The following PRKG1 variants were observed in gnomAD, a reference collection of about 807,000 sequenced individuals.
PRKG1 encodes protein kinase cGMP-dependent 1.
PRKG1 carries 35 observed loss-of-function variants against 88.1 expected under a neutral mutation model. The observed-to-expected ratio is 0.40, with a 90% CI of 0.30 to 0.53. The LOEUF (loss-of-function observed/expected upper bound fraction) is 0.53. Among genes scored for constraint, PRKG1 ranks in the 20% least tolerant of loss-of-function variants. The pLI, the probability that PRKG1 is intolerant of heterozygous loss-of-function variation, is 0.59. For missense variants in PRKG1, 540 were observed against 839.8 expected (o/e 0.64, Z 4.41); for synonymous variants, 303 against 292.5 (o/e 1.04, Z -0.37).
intron 17 of PRKG1, among the ~76,000 whole-genome samples, chr10:52,293,428 A>C (rs1435052151): frequency 6.6e-6 from 1 of 152,062 alleles, no homozygotes; most frequent in Non-Finnish European, 1.5e-5. Flanking sequence ...GTTCATATGG[A>C]ACCAAAAAAG....
At chr10:51,346,181 A>G (rs1842109482) in intron 2 of PRKG1, among the ~76,000 whole-genome samples, 1 of 152,306 alleles carries the variant, frequency 6.6e-6, no homozygotes, top group South Asian at 2.1e-4. Flanking sequence ...GTTGATGATC[A>G]TTGTGGAATA....
At chr10:51,082,635 AC>A in intron 1 of PRKG1, among the ~76,000 whole-genome samples, 1 of 152,084 alleles carries the variant, frequency 6.6e-6, no homozygotes, top group Non-Finnish European at 1.5e-5. Context: ...TAAACAAAAG[AC>A]CAGGATAAAG....
chr10:51,472,208 G>C (rs1356347257), intron 3 of PRKG1, among the ~76,000 whole-genome samples: 1 of 151,860 alleles, frequency 6.6e-6, no homozygotes, highest in Non-Finnish European at 1.5e-5. Flanking sequence ...TAAGAGCAAA[G>C]TTTAAAGGTC....
chr10:52,251,565 T>A lies in PRKG1; in HGVS notation c.1077-5T>A. ...ATTTCCATTTTTTCACATCAAAAAA[T>A]CCAGATATGAAGCTGAAGCGGCTTT... On this transcript the variant is annotated splice_polypyrimidine_tract_variant and splice_region_variant and intron_variant, in intron 9 of 17. Transcript: ENST00000373980. 1 of 1,612,782 alleles carries A rather than the reference T, an allele frequency of 6.2e-7. No individual in the cohort carries two copies. The highest frequency in any genetic ancestry group is 8.5e-7 in the Non-Finnish European group (1 of 1,178,998).
At chr10:51,956,797 A>G (rs1388890630) in intron 5 of PRKG1, among the ~76,000 whole-genome samples, 1 of 151,190 alleles carries the variant, frequency 6.6e-6, no homozygotes, top group Non-Finnish European at 1.5e-5. Flanking sequence ...TTCTCTCTCT[A>G]TTTTTTCCTT....
intron 2 of PRKG1, among the ~76,000 whole-genome samples, chr10:51,455,699 C>G (rs566654872): frequency 6.6e-6 from 1 of 152,340 alleles, no homozygotes; most frequent in South Asian, 2.1e-4. Context: ...TCATCTCCAT[C>G]TGAGACCACA....
rs1037139411 is a variant in PRKG1 at position 51,454,583 on chromosome 10, C to A, written c.479-13140C>A. 3.9e-5 allele frequency among the ~76,000 whole-genome samples: 6 copies of A among 152,176 alleles called. 1 individual carries two copies. The highest frequency in any genetic ancestry group is 2.9e-5 in the Non-Finnish European group (2 of 68,024). ...TTATAAGGAAAAGAGGTTTAATTGA[C>A]TCACAGTTCCACATGGCTGGGGAGG... On this transcript the variant is annotated intron_variant, in intron 2 of 17. Coordinates refer to ENST00000373980, the MANE Select transcript of PRKG1 (RefSeq NM_006258.4).
intron 4 of PRKG1, among the ~76,000 whole-genome samples, chr10:51,859,294 A>G (rs1024180344): frequency 5.3e-5 from 8 of 152,212 alleles, no homozygotes; most frequent in Non-Finnish European, 1.2e-4. Flanking sequence ...CCGGGTGCTA[A>G]GGTATTAAAC....
intron 1 of PRKG1, among the ~76,000 whole-genome samples, chr10:50,993,179 TAGA>T (rs1175515190): frequency 1.3e-5 from 2 of 152,134 alleles, no homozygotes; most frequent in Non-Finnish European, 2.9e-5. Context: ...TCAGAGTTAT[TAGA>T]AGAAGACCAG....
intron 7 of PRKG1, among the ~76,000 whole-genome samples, chr10:52,104,390 T>C (rs1476317564): frequency 1.3e-5 from 2 of 152,094 alleles, no homozygotes; most frequent in Admixed American, 6.5e-5. Context: ...AATGCTTACA[T>C]TGAAAGATGA....
At chr10:51,940,341 A>G (rs1842880146) in intron 5 of PRKG1, among the ~76,000 whole-genome samples, 1 of 151,818 alleles carries the variant, frequency 6.6e-6, no homozygotes, top group Non-Finnish European at 1.5e-5. Context: ...TCAGTCCTCT[A>G]CTGATAAATA....
At chr10:51,390,680 T>C (rs1837372348) in intron 2 of PRKG1, among the ~76,000 whole-genome samples, 1 of 152,222 alleles carries the variant, frequency 6.6e-6, no homozygotes, top group South Asian at 2.1e-4. Context: ...TTCTTCCTTA[T>C]AACAACAGGT....
chr10:52,015,448 A>G (rs1375996074), intron 5 of PRKG1, among the ~76,000 whole-genome samples: 1 of 152,192 alleles, frequency 6.6e-6, no homozygotes, highest in Non-Finnish European at 1.5e-5. Context: ...CCAGGCCCAC[A>G]AAACCATTTT....
chr10:51,259,376 C>T (rs142257340), intron 2 of PRKG1, among the ~76,000 whole-genome samples: 2 of 152,284 alleles, frequency 1.3e-5, no homozygotes, highest in African/African-American at 4.8e-5. Context: ...TTTGTCCTTA[C>T]CATGTGCTGA....
intron 9 of PRKG1, among the ~76,000 whole-genome samples, chr10:52,164,555 A>G (rs1349248372): frequency 6.6e-6 from 1 of 152,132 alleles, no homozygotes; most frequent in Non-Finnish European, 1.5e-5. Flanking sequence ...ATGAAATTAA[A>G]CCTTGCCTAG....
chr10:51,223,855 G>A (rs973719686), intron 2 of PRKG1, among the ~76,000 whole-genome samples: 45 of 152,176 alleles, frequency 3.0e-4, no homozygotes, highest in African/African-American at 8.7e-4. Flanking sequence ...ATAAATTGAA[G>A]CAGTCACTCA....
intron 5 of PRKG1, among the ~76,000 whole-genome samples, chr10:51,923,828 T>C (rs1298678941): frequency 5.3e-5 from 8 of 152,034 alleles, no homozygotes; most frequent in Non-Finnish European, 8.8e-5. Flanking sequence ...TTACTCCTTT[T>C]CTAATGCTTT....
At chr10:51,465,605 A>C (rs1237610579) in intron 2 of PRKG1, among the ~76,000 whole-genome samples, 1 of 152,202 alleles carries the variant, frequency 6.6e-6, no homozygotes, top group Non-Finnish European at 1.5e-5. Flanking sequence ...AAGCCATTGC[A>C]TTAATCTAGG....
chr10:51,907,644 G>A (rs953124980), intron 5 of PRKG1, 74 bp downstream of exon 5: 1 of 1,321,620 alleles, frequency 7.6e-7, no homozygotes. Flanking sequence ...ACAGCTGTGT[G>A]ATGAGGAATC....
Sources: allele counts gnomAD v4.1 joint callset (sites outside exome capture counted in the v4.1 genomes callset), GRCh38; gene constraint gnomAD v4.1.1; transcripts MANE v1.5; gene names NCBI Gene and HGNC (gene_info 2026-07-23, HGNC 2026-07-21).